The following NEXMIF variants were observed in gnomAD, a reference collection of about 807,000 sequenced individuals.
The protein encoded by NEXMIF is XLMR protein related to neurite extension.
A neutral mutation model predicts 62.1 loss-of-function variants in NEXMIF; 8 were observed. The ratio of observed to expected loss-of-function variants is 0.13; its 90% CI spans 0.08 to 0.23. NEXMIF has a LOEUF of 0.23. Ranked by LOEUF, NEXMIF falls within the 10% of genes least tolerant of loss-of-function variation. NEXMIF has a pLI of 1.00. For missense variants in NEXMIF, 976 were observed against 1,113.3 expected (o/e 0.88, Z 1.75); for synonymous variants, 404 against 416.6 (o/e 0.97, Z 0.37).
chrX:74,751,478 CTCTG>C (rs1365961995), intron 1 of NEXMIF, among the ~76,000 whole-genome samples: 1 of 109,092 alleles, frequency 9.2e-6, no homozygotes, highest in Non-Finnish European at 1.9e-5. Flanking sequence ...TCTTTCTTCT[CTCTG>C]TCTCTCTCTC....
intron 1 of NEXMIF, among the ~76,000 whole-genome samples, chrX:74,842,552 G>A (rs1394261120): frequency 1.8e-5 from 2 of 110,842 alleles, no homozygotes; most frequent in Non-Finnish European, 3.8e-5. Flanking sequence ...AATTCTTTCA[G>A]TTGCGATGTT....
intron 1 of NEXMIF, among the ~76,000 whole-genome samples, chrX:74,794,282 C>G (rs1335910031): frequency 9.3e-6 from 1 of 107,299 alleles, no homozygotes; most frequent in Non-Finnish European, 1.9e-5. Flanking sequence ...CCCAGTTAGG[C>G]TGCTCGGGGG....
chrX:74,741,646 T>G lies in NEXMIF; in HGVS notation c.2911A>C (p.Asn971His). 1 of 1,211,529 alleles carries G rather than the reference T, an allele frequency of 8.3e-7. No individual in the cohort carries two copies. Among genetic ancestry groups the G allele is most frequent in the Non-Finnish European group, 1.1e-6 (1 of 895,194 alleles). The change falls in exon 3 of 4, where the codon AAT becomes CAT. Residue 971 changes from asparagine (N) to histidine (H), a missense_variant. Physicochemically the swap from Asn to His is moderately conservative, Grantham distance 68. This residue lies in a region of NEXMIF where 639 missense variants were observed against 694.5 expected (regional missense o/e 0.92). Coordinates refer to ENST00000055682, the MANE Select transcript of NEXMIF (RefSeq NM_001008537.3). ...DDSYQLCHFN[N>H]GEICFPFQQG... Reference sequence around the variant, plus strand: ...TGGAAAGGAAAGCAGATCTCTCCATTATTAAAGTGACATAATTGGTAAGAG... The same window carrying G: ...TGGAAAGGAAAGCAGATCTCTCCATGATTAAAGTGACATAATTGGTAAGAG...
intron 1 of NEXMIF, among the ~76,000 whole-genome samples, chrX:74,777,731 A>G (rs1475232569): frequency 8.9e-6 from 1 of 111,774 alleles, no homozygotes. Context: ...CAGACAGATA[A>G]AATGGACTCC....
intron 1 of NEXMIF, among the ~76,000 whole-genome samples, chrX:74,814,054 G>T (rs1234226458): frequency 9.0e-6 from 1 of 111,706 alleles, no homozygotes; most frequent in African/African-American, 3.3e-5. Flanking sequence ...CATCCCTGTA[G>T]CACATTCCAA....
rs1470969500 is a variant in NEXMIF, at chrX:74,925,177, C to G, written c.-342G>C. The G allele has an allele frequency of 1.7e-5, 2 of 115,895 alleles. No individual in the cohort carries two copies. Among genetic ancestry groups the G allele is most frequent in the African/African-American group, 6.4e-5 (2 of 31,237 alleles). 9.6% of individuals were successfully genotyped at this position (115,895 alleles called of 1,213,427 possible). A position where few individuals can be genotyped will look rare whatever the true frequency, so the allele number is the denominator to read the frequency against. On this transcript the variant is annotated 5_prime_UTR_variant, in exon 1 of 4. Coordinates refer to ENST00000055682, the MANE Select transcript of NEXMIF (RefSeq NM_001008537.3). ...CTCTGGCCCTGAAACTCAGAGCCTC[C>G]GCGGCTGCCCGGCTGCTCCAAGGGT...
At chrX:74,868,904 AAAG>A (rs1388348637) in intron 1 of NEXMIF, among the ~76,000 whole-genome samples, 1 of 111,999 alleles carries the variant, frequency 8.9e-6, no homozygotes, top group East Asian at 2.8e-4. Flanking sequence ...CCAAACATTT[AAAG>A]AAGAACTAAT....
chrX:74,858,574 C>T lies in NEXMIF; in HGVS notation c.-48+66309G>A, dbSNP rs772804874. On this transcript the variant is annotated intron_variant, in intron 1 of 3. Coordinates refer to ENST00000055682, the MANE Select transcript of NEXMIF (RefSeq NM_001008537.3). ...GATGGGTACAAATAAACGCAGACTA[C>T]GAAGATTACAATACACACTTAATTC... Among the ~76,000 whole-genome samples the T allele has an allele frequency of 1.1e-4, 12 of 110,982 alleles. No homozygotes were observed. The East Asian group carries it at 2.3e-3, about 21-fold the overall frequency.
chrX:74,772,764 C>A (rs773662302), intron 1 of NEXMIF, among the ~76,000 whole-genome samples: 68 of 112,138 alleles, frequency 6.1e-4, no homozygotes, highest in Non-Finnish European at 1.0e-3. Flanking sequence ...GTCATTAAGG[C>A]TTTTACTTTA....
intron 1 of NEXMIF, among the ~76,000 whole-genome samples, chrX:74,887,600 C>G (rs369537592): frequency 5.4e-5 from 6 of 110,988 alleles, no homozygotes; most frequent in African/African-American, 2.0e-4. Context: ...CAATGAGATA[C>G]CATCTCACAC....
chrX:74,804,566 G>C lies in NEXMIF; in HGVS notation c.-47-58869C>G, dbSNP rs1237190188. Among the ~76,000 whole-genome samples the C allele has an allele frequency of 1.6e-4, 18 of 111,965 alleles. No individual in the cohort carries two copies. The Admixed American group carries it at 1.7e-3, about 11-fold the overall frequency. ...AGGTTGTGTTTCAAAATGTCATCCA[G>C]GTGCCTCATGACTCTGCCTGCTGCC... On this transcript the variant is annotated intron_variant, in intron 1 of 3. Transcript: ENST00000055682.
chrX:74,772,965 A>G (rs1164070364), intron 1 of NEXMIF, among the ~76,000 whole-genome samples: 2 of 112,343 alleles, frequency 1.8e-5, no homozygotes, highest in Admixed American at 9.5e-5. Flanking sequence ...AAATCTCAGG[A>G]GAAAACATAG....
chrX:74,854,596 G>T (rs375297503), intron 1 of NEXMIF, among the ~76,000 whole-genome samples: 2 of 111,591 alleles, frequency 1.8e-5, no homozygotes, highest in African/African-American at 6.5e-5. Flanking sequence ...GCAAGAGAAA[G>T]AAATAAAAGG....
At chrX:74,917,767 CAGAG>C (rs1461307880) in intron 1 of NEXMIF, among the ~76,000 whole-genome samples, 2 of 111,237 alleles carry the variant, frequency 1.8e-5, no homozygotes, top group Non-Finnish European at 3.8e-5. Flanking sequence ...ACAGATGAAA[CAGAG>C]AGAGGTAGAG....
At chrX:74,807,425 C>A (rs1354438511) in intron 1 of NEXMIF, among the ~76,000 whole-genome samples, 1 of 110,831 alleles carries the variant, frequency 9.0e-6, no homozygotes, top group Non-Finnish European at 1.9e-5. Context: ...CTGCCTCAGC[C>A]TCTTGAGTAG....
chrX:74,773,074 A>G (rs1313445554), intron 1 of NEXMIF, among the ~76,000 whole-genome samples: 1 of 111,704 alleles, frequency 9.0e-6, no homozygotes, highest in Non-Finnish European at 1.9e-5. Flanking sequence ...TGCTAGCATT[A>G]GTATTCAGAT....
At chrX:74,748,901 G>A (rs1231903260) in intron 1 of NEXMIF, among the ~76,000 whole-genome samples, 1 of 111,845 alleles carries the variant, frequency 8.9e-6, no homozygotes, top group Non-Finnish European at 1.9e-5. Flanking sequence ...TTGTCTATGG[G>A]TCTGGGGCAA....
chrX:74,739,315 A>T lies in NEXMIF; in HGVS notation c.*90T>A. The T allele has an allele frequency of 1.7e-6, 1 of 588,933 alleles. No individual in the cohort carries two copies. Among genetic ancestry groups the T allele is most frequent in the Non-Finnish European group, 2.6e-6 (1 of 384,322 alleles). 48.5% of individuals were successfully genotyped at this position (588,933 alleles called of 1,213,427 possible). ...AGATTAAAGTTTGCTCCAAAGACGT[A>T]TTCCCACAATTTAAAATTCTTTTCT... On this transcript the variant is annotated 3_prime_UTR_variant, in exon 4 of 4. Transcript: ENST00000055682.
intron 1 of NEXMIF, among the ~76,000 whole-genome samples, chrX:74,822,346 CAAA>C (rs1292560706): frequency 8.9e-6 from 1 of 111,746 alleles, no homozygotes; most frequent in Non-Finnish European, 1.9e-5. Context: ...AATTGAACTT[CAAA>C]ATTAAAACCT....
Sources: gnomAD v4.1 joint callset for allele counts (sites outside exome capture counted in the v4.1 genomes callset) on GRCh38, gnomAD v4.1.1 for gene constraint, gnomAD v4.1.1 regional missense constraint, MANE v1.5 for transcripts, NCBI Gene and HGNC (gene_info 2026-07-23, HGNC 2026-07-21) for gene names.